The following NCAM1 variants were observed in gnomAD, a reference collection of about 807,000 sequenced individuals.
NCAM1 encodes neural cell adhesion molecule 1, also known as antigen recognized by monoclonal antibody 5.1H11.
Under a neutral mutation model 109.8 loss-of-function variants are expected in NCAM1, and 14 were observed. The observed-to-expected ratio is 0.13, with a 90% CI of 0.08 to 0.20. NCAM1 has a LOEUF of 0.20. NCAM1 is among the 10% of genes least tolerant of loss of function. The pLI is 1.00. For missense variants in NCAM1, 774 were observed against 1,109.9 expected, an observed-to-expected ratio of 0.70 and a Z score of 4.30; for synonymous variants, 418 against 442.9, an observed-to-expected ratio of 0.94 and a Z score of 0.70.
chr11:113,151,798 G>A (rs1942232339), intron 1 of NCAM1, among the ~76,000 whole-genome samples: 1 of 152,208 alleles, frequency 6.6e-6, no homozygotes, highest in Admixed American at 6.5e-5. Flanking sequence ...CGGTTATAGT[G>A]GTCTGTTCTT....
chr11:113,269,910 C>A (rs1363833956), intron 17 of NCAM1: 2 of 514,942 alleles, frequency 3.9e-6, no homozygotes, highest in Non-Finnish European at 7.0e-6. Flanking sequence ...AGGCGGGGCT[C>A]AGTCTGCTCC....
intron 1 of NCAM1, among the ~76,000 whole-genome samples, chr11:113,189,449 C>CAAAAAAAAAAAA (rs10712434): frequency 8.5e-6 from 1 of 118,044 alleles, no homozygotes; most frequent in Non-Finnish European, 1.8e-5. Flanking sequence ...GATTCTGTCT[C>CAAAAAAAAAAAA]AAAAAAAAAA....
At chr11:113,259,700 C>CTTTT (rs61638375) in intron 16 of NCAM1, among the ~76,000 whole-genome samples, 13 of 113,464 alleles carry the variant, frequency 1.1e-4, no homozygotes, top group Non-Finnish European at 1.4e-4. Context: ...CCCATCATTG[C>CTTTT]TTTTTTTTTT....
intron 15 of NCAM1, among the ~76,000 whole-genome samples, chr11:113,251,408 A>T (rs1433150920): frequency 1.3e-5 from 2 of 152,192 alleles, no homozygotes; most frequent in Non-Finnish European, 2.9e-5. Context: ...GCATGGCCAG[A>T]AATATACATT....
At chr11:113,242,094 A>G (rs186954284) in intron 14 of NCAM1, among the ~76,000 whole-genome samples, 2 of 152,304 alleles carry the variant, frequency 1.3e-5, no homozygotes, top group Admixed American at 1.3e-4. Context: ...AGCCTCCCCA[A>G]GTCTCAGATT....
intron 9 of NCAM1, among the ~76,000 whole-genome samples, chr11:113,228,566 A>G (rs1944914160): frequency 6.6e-6 from 1 of 152,248 alleles, no homozygotes; most frequent in Non-Finnish European, 1.5e-5. Context: ...TTCTTCACAG[A>G]ATTGGAAAAA....
chr11:113,082,187 G>T (rs1339419071), intron 1 of NCAM1, among the ~76,000 whole-genome samples: 2 of 152,260 alleles, frequency 1.3e-5, no homozygotes, highest in East Asian at 3.9e-4. Context: ...CTCGACAATG[G>T]CCAGTTATAA....
intron 1 of NCAM1, among the ~76,000 whole-genome samples, chr11:113,096,403 G>A (rs528704972): frequency 6.6e-6 from 1 of 152,310 alleles, no homozygotes; most frequent in South Asian, 2.1e-4. Flanking sequence ...CAGGGTGAAC[G>A]TGAGAGATGT....
chr11:112,992,951 A>C lies in NCAM1; in HGVS notation c.52+31287A>C, dbSNP rs148180081. On this transcript the variant is annotated intron_variant, in intron 1 of 19. Coordinates refer to ENST00000316851, the MANE Select transcript of NCAM1 (RefSeq NM_181351.5). ...ATTTTTGTCCTTATTTGTTGACTTC[A>C]TGCTATGATAAAAGAAGTGTATATC... is the stretch of plus-strand genomic sequence containing the variant. 5.3e-4 allele frequency among the ~76,000 whole-genome samples: 80 copies of C among 152,288 alleles called. No individual in the cohort carries two copies. In the East Asian group the frequency reaches 0.015, roughly 28 times the overall value.
At chr11:113,058,099 A>G (rs782197908) in intron 1 of NCAM1, among the ~76,000 whole-genome samples, 4 of 152,116 alleles carry the variant, frequency 2.6e-5, no homozygotes, top group Non-Finnish European at 2.9e-5. Context: ...CCTGGCCAAC[A>G]TGGCAAAACC....
At chr11:113,098,459 A>AT (rs11387676) in intron 1 of NCAM1, among the ~76,000 whole-genome samples, 10,897 of 151,482 alleles carry the variant, frequency 0.072, 771 homozygotes, top group Admixed American at 0.17. Flanking sequence ...TTGTATTATT[A>AT]TTATTTTTTC....
At chr11:113,120,745 T>C (rs1361945459) in intron 1 of NCAM1, among the ~76,000 whole-genome samples, 2 of 152,084 alleles carry the variant, frequency 1.3e-5, no homozygotes, top group African/African-American at 4.8e-5. Flanking sequence ...TGCATGCACA[T>C]ATGTGCACAG....
intron 15 of NCAM1, among the ~76,000 whole-genome samples, chr11:113,247,660 C>T (rs1054263418): frequency 6.6e-6 from 1 of 152,094 alleles, no homozygotes; most frequent in African/African-American, 2.4e-5. Context: ...TCCAAAAAGG[C>T]GATATTGGGT....
Position 113,202,408 on chromosome 11 carries a change from C to A in NCAM1, c.82C>A (p.Gln28Lys), listed in dbSNP as rs1944095454. The change falls in exon 2 of 20, where the codon CAG (glutamine) becomes AAG (lysine). Residue 28 changes from glutamine to lysine, a missense_variant. Gln to Lys is a moderately conservative substitution (Grantham distance 53, BLOSUM62 1). Around this residue, in one of 4 missense-constraint regions of NCAM1, gnomAD observed 112 missense variants for 142.0 expected, o/e 0.79. Transcript: ENST00000316851. ...TCTGCAGGTGGATATTGTTCCCAGC[C>A]AGGGGGAGATCAGCGTTGGAGAGTC... ...VSLQVDIVPS[Q>K]GEISVGESKF... The A allele has an allele frequency of 1.2e-6, 2 of 1,613,032 alleles. No homozygotes were observed. Among genetic ancestry groups the A allele is most frequent in the African/African-American group, 2.7e-5 (2 of 74,748 alleles).
chr11:113,017,635 T>TTGTG lies in NCAM1; in HGVS notation c.52+55993_52+55996dup, dbSNP rs71698389. On this transcript the variant is annotated intron_variant, in intron 1 of 19. Transcript: ENST00000316851. The stretch of plus-strand genomic sequence containing the variant: ...AATAAAGTCAGCCATCAGTACTGTT[T>TTGTG]TGTGTGTGTGTGTGTGTGTGTGTGT... 5.7e-3 allele frequency among the ~76,000 whole-genome samples: 822 copies of TTGTG among 145,274 alleles called. 7 individuals carry two copies. Among genetic ancestry groups the TTGTG allele is most frequent in the Middle Eastern group, 0.021 (6 of 288 alleles).
intron 17 of NCAM1, chr11:113,269,922 A>G: frequency 1.9e-6 from 1 of 535,292 alleles, no homozygotes; most frequent in Non-Finnish European, 3.4e-6. Flanking sequence ...GTCTGCTCCC[A>G]GGACTCACGG....
At chr11:113,191,353 T>G (rs1555109847) in intron 1 of NCAM1, among the ~76,000 whole-genome samples, 1 of 152,222 alleles carries the variant, frequency 6.6e-6, no homozygotes, top group African/African-American at 2.4e-5. Flanking sequence ...AAACTTAGTA[T>G]ATCCCTGGGC....
intron 1 of NCAM1, among the ~76,000 whole-genome samples, chr11:113,095,120 T>C (rs1939533055): frequency 6.6e-6 from 1 of 152,194 alleles, no homozygotes; most frequent in Non-Finnish European, 1.5e-5. Flanking sequence ...TCATGGAGTT[T>C]TTATCAAAAC....
chr11:112,991,344 A>T (rs1462664208), intron 1 of NCAM1, among the ~76,000 whole-genome samples: 1 of 152,208 alleles, frequency 6.6e-6, no homozygotes, highest in African/African-American at 2.4e-5. Context: ...CAGCACTTTG[A>T]AAAAGCCTCA....
Sources: allele counts gnomAD v4.1 joint callset (sites outside exome capture counted in the v4.1 genomes callset), GRCh38; gene constraint gnomAD v4.1.1; regional missense constraint gnomAD v4.1.1; transcripts MANE v1.5; gene names NCBI Gene and HGNC (gene_info 2026-07-23, HGNC 2026-07-21).